Variants in RNF130 observed in about 807,000 individuals in gnomAD.
RNF130 encodes ring finger protein 130, also known as E3 ubiquitin-protein ligase RNF130.
A neutral mutation model predicts 44.6 loss-of-function variants in RNF130; 21 were observed. The ratio of observed to expected loss-of-function variants is 0.47; its 90% CI spans 0.33 to 0.68. RNF130 has a LOEUF of 0.68. Among genes scored for constraint, RNF130 ranks in the 30% least tolerant of loss-of-function variants. RNF130 has a pLI of 0.02. For missense variants in RNF130, 479 were observed against 560.6 expected (o/e 0.85, Z 1.47); for synonymous variants, 214 against 210.4 (o/e 1.02, Z -0.15).
intron 1 of RNF130, among the ~76,000 whole-genome samples, chr5:180,063,995 C>A (rs150158538): frequency 6.6e-6 from 1 of 152,164 alleles, no homozygotes; most frequent in African/African-American, 2.4e-5. Context: ...TCACACTGTG[C>A]CCAATTCCAT....
intron 3 of RNF130, among the ~76,000 whole-genome samples, chr5:179,992,285 G>A (rs961595234): frequency 1.3e-5 from 2 of 152,232 alleles, no homozygotes; most frequent in Non-Finnish European, 1.5e-5. Context: ...GGGACTACAG[G>A]CACCCGCCAC....
At chr5:180,010,981 C>T (rs893098544) in intron 3 of RNF130, among the ~76,000 whole-genome samples, 3 of 152,172 alleles carry the variant, frequency 2.0e-5, no homozygotes, top group Non-Finnish European at 4.4e-5. Flanking sequence ...GGTTATGATA[C>T]TGACCACAGT....
intron 7 of RNF130, among the ~76,000 whole-genome samples, chr5:179,946,613 G>GCAC (rs1762043690): frequency 6.6e-6 from 1 of 151,472 alleles, no homozygotes; most frequent in Admixed American, 6.6e-5. Flanking sequence ...GAGTGCAGTG[G>GCAC]TGTGATCTTG....
chr5:179,980,231 A>C (rs1473957586), intron 3 of RNF130, 31 bp from the exon 4 acceptor site: 1 of 1,590,904 alleles, frequency 6.3e-7, no homozygotes, highest in African/African-American at 1.3e-5. Context: ...AACAGATACT[A>C]AGTGTAAGAT....
At chr5:179,973,443 T>C (rs925316179) in intron 5 of RNF130, among the ~76,000 whole-genome samples, 2 of 152,220 alleles carry the variant, frequency 1.3e-5, no homozygotes, top group Non-Finnish European at 2.9e-5. Context: ...TACAACAGTC[T>C]GGTGCTCGGC....
intron 1 of RNF130, among the ~76,000 whole-genome samples, chr5:180,055,498 G>A (rs1764798787): frequency 6.6e-6 from 1 of 150,422 alleles, no homozygotes; most frequent in Non-Finnish European, 1.5e-5. Context: ...GTGTCTGTGT[G>A]TCTGTCTGTC....
chr5:180,031,419 G>A (rs749078595), intron 2 of RNF130, among the ~76,000 whole-genome samples: 3 of 152,062 alleles, frequency 2.0e-5, no homozygotes, highest in African/African-American at 4.8e-5. Flanking sequence ...CCCAGGAGGC[G>A]GAGGTTGCAG....
intron 5 of RNF130, among the ~76,000 whole-genome samples, chr5:179,971,528 C>A (rs1270273847): frequency 6.6e-6 from 1 of 152,174 alleles, no homozygotes; most frequent in Admixed American, 6.5e-5. Context: ...CGCCACCACG[C>A]CCAGCCAATT....
intron 2 of RNF130, among the ~76,000 whole-genome samples, chr5:180,022,687 A>G (rs1763900655): frequency 6.6e-6 from 1 of 151,938 alleles, no homozygotes; most frequent in Non-Finnish European, 1.5e-5. Flanking sequence ...TACTTAAGCC[A>G]CGTCTCCACT....
chr5:179,933,689 T>G, intron 7 of RNF130: 2 of 320,178 alleles, frequency 6.2e-6, no homozygotes, highest in South Asian at 5.8e-5. Flanking sequence ...GCCGGGCTAA[T>G]TTTTTCTACT....
intron 1 of RNF130, among the ~76,000 whole-genome samples, chr5:180,041,368 C>T (rs1402506967): frequency 2.0e-5 from 3 of 152,176 alleles, no homozygotes; most frequent in Non-Finnish European, 2.9e-5. Context: ...CAAGAAGACA[C>T]TAAGAATGTT....
intron 3 of RNF130, among the ~76,000 whole-genome samples, chr5:180,005,746 C>G (rs1763451002): frequency 6.6e-6 from 1 of 152,158 alleles, no homozygotes; most frequent in Non-Finnish European, 1.5e-5. Flanking sequence ...AGAGTAATAT[C>G]ACTCTGCCCC....
intron 3 of RNF130, among the ~76,000 whole-genome samples, chr5:180,006,791 A>T (rs908614149): frequency 6.6e-6 from 1 of 152,230 alleles, no homozygotes; most frequent in African/African-American, 2.4e-5. Flanking sequence ...CATTTATTCA[A>T]AATAAAGGTA....
chr5:179,941,876 A>G (rs950033748), intron 7 of RNF130, among the ~76,000 whole-genome samples: 1 of 152,204 alleles, frequency 6.6e-6, no homozygotes, highest in African/African-American at 2.4e-5. Flanking sequence ...GCTTAATAGA[A>G]TACTGAAACT....
chr5:179,973,626 G>A (rs1039973626), intron 5 of RNF130, among the ~76,000 whole-genome samples: 4 of 152,166 alleles, frequency 2.6e-5, no homozygotes, highest in East Asian at 3.9e-4. Context: ...ATTCCCGCAC[G>A]CCTGACCGCG....
intron 3 of RNF130, among the ~76,000 whole-genome samples, chr5:180,001,629 G>A (rs926027392): frequency 1.3e-5 from 2 of 152,112 alleles, no homozygotes; most frequent in African/African-American, 4.8e-5. Context: ...GGCAACTTAG[G>A]TCCCATGGAA....
In RNF130 at chr5:179,955,571, T is replaced by C; in HGVS notation, c.*83A>G. On this transcript the variant is annotated 3_prime_UTR_variant, in exon 9 of 9. Coordinates refer to ENST00000521389, the MANE Select transcript of RNF130 (RefSeq NM_018434.6). ...AATGTACTAAAAATAAATGCTTGTG[T>C]GGCATGATTGGTAAATGATGCACAA... 8.9e-7 allele frequency: 1 copy of C among 1,128,274 alleles called. No homozygotes were observed. The allele number at this position is 1,128,274 out of a possible 1,614,324, so 69.9% of individuals were successfully genotyped here.
intron 2 of RNF130, among the ~76,000 whole-genome samples, chr5:180,035,259 T>A (rs1205374911): frequency 6.6e-6 from 1 of 152,230 alleles, no homozygotes; most frequent in African/African-American, 2.4e-5. Flanking sequence ...TTTTTAAAAT[T>A]TCCTTTTGAA....
chr5:180,037,839 A>G (rs1480302082), intron 2 of RNF130, among the ~76,000 whole-genome samples: 1 of 152,162 alleles, frequency 6.6e-6, no homozygotes, highest in Non-Finnish European at 1.5e-5. Context: ...CTAACTGTCT[A>G]TGAATCTAAT....
Sources: gnomAD v4.1 joint callset for allele counts (sites outside exome capture counted in the v4.1 genomes callset) on GRCh38, gnomAD v4.1.1 for gene constraint, MANE v1.5 for transcripts, NCBI Gene and HGNC (gene_info 2026-07-23, HGNC 2026-07-21) for gene names.